The following NLRP1 variants were observed in gnomAD, a reference collection of about 807,000 sequenced individuals.
The protein encoded by NLRP1 is NACHT, LRR and PYD domains-containing protein 1.
In NLRP1, 94 loss-of-function variants were observed where a neutral mutation model predicts 136.7. The observed-to-expected ratio is 0.69, with a 90% confidence interval of 0.58 to 0.82. The LOEUF (loss-of-function observed/expected upper bound fraction) is 0.82. Ranked by LOEUF, NLRP1 falls within the 40% of genes least tolerant of loss-of-function variation. NLRP1 has a pLI of 0.00. For synonymous variants in NLRP1, 690 were observed against 725.1 expected (o/e 0.95, Z 0.78); for missense variants, 1,575 against 1,802.7 (o/e 0.87, Z 2.29).
chr17:5,533,227 C>T, intron 10 of NLRP1, 77 bp downstream of exon 10: 6 of 1,547,120 alleles, frequency 3.9e-6, no homozygotes, highest in Non-Finnish European at 5.2e-6. Flanking sequence ...TGCCACTCTC[C>T]CCAGCATGCC....
intron 3 of NLRP1, among the ~76,000 whole-genome samples, chr17:5,576,825 C>T (rs11867788): frequency 0.082 from 12,507 of 152,192 alleles, 1,090 homozygotes; most frequent in African/African-American, 0.2. Flanking sequence ...GAATTTTAGA[C>T]CAATATCCCT....
At chr17:5,506,284 CAAA>C (rs201536042) in intron 15 of NLRP1, among the ~76,000 whole-genome samples, 99 of 127,156 alleles carry the variant, frequency 7.8e-4, no homozygotes, top group East Asian at 2.4e-3. Flanking sequence ...AAGTCTGTCT[CAAA>C]AAAAAAAAAA....
At position 5,583,943 on chromosome 17, in the gene NLRP1, G is replaced by A. The variant is rs1286253717; in HGVS notation, c.15C>T (p.Ala5=). Residue 5 remains alanine, a synonymous_variant, in exon 1 of 17, where the codon GCC becomes GCT. Coordinates refer to ENST00000572272, the MANE Select transcript of NLRP1 (RefSeq NM_033004.4). The surrounding 1 kb of genome is among the most constrained non-coding windows in gnomAD (Gnocchi z 4.5). ...CCAAGTAACAGGCCAGGCGGCCCCAGGCTCCGCCAGCCATCTCTGTCCCGG... is the reference window on the plus strand; with the variant it reads ...CCAAGTAACAGGCCAGGCGGCCCCAAGCTCCGCCAGCCATCTCTGTCCCGG... The part of the protein sequence containing the change: MAGG[A]WGRLACYLEF... 1 of 1,609,302 alleles carries A rather than the reference G, an allele frequency of 6.2e-7. No individual in the cohort carries two copies. The highest frequency in any genetic ancestry group is 8.5e-7 in the Non-Finnish European group (1 of 1,177,822).
chr17:5,521,357 A>G (rs563795068), intron 13 of NLRP1, among the ~76,000 whole-genome samples, 167 bp downstream of exon 13: 5 of 152,262 alleles, frequency 3.3e-5, no homozygotes, highest in African/African-American at 1.2e-4. Flanking sequence ...GAGGCAGGAG[A>G]CCAGTCCAAG....
exon 16 of NLRP1, chr17:5,501,580 C>A (rs1907086628): frequency 2.4e-6 from 1 of 419,164 alleles, no homozygotes; most frequent in Non-Finnish European, 4.4e-6. Flanking sequence ...CCTTTTTTTT[C>A]TCTGTCTCTC....
chr17:5,540,668 G>A (rs1025051328), intron 6 of NLRP1, among the ~76,000 whole-genome samples: 27 of 152,256 alleles, frequency 1.8e-4, no homozygotes, highest in African/African-American at 5.8e-4. Flanking sequence ...TAGATGTAGC[G>A]AGGATTAAAT....
chr17:5,515,542 G>A, intron 15 of NLRP1, 25 bp from the exon 16 acceptor site: 1 of 1,590,062 alleles, frequency 6.3e-7, no homozygotes, highest in East Asian at 2.2e-5. Flanking sequence ...AGATGAAGAT[G>A]CATCTGAAAC....
chr17:5,539,426 G>A lies in NLRP1; in HGVS notation c.2859C>T (p.Leu953=). The A allele has an allele frequency of 6.2e-7, 1 of 1,613,072 alleles. No homozygotes were observed. ...CCACAGGGCCTTACCCCAGGCGTAT[G>A]AGTTTGCAGGCAGGATGCCTGAGCC... is the stretch of plus-strand genomic sequence containing the variant. The part of the protein sequence containing the change: ...CEGLRHPACK[L]IRLGLDQTTL... Residue 953 remains leucine (L), a synonymous_variant, in exon 7 of 17, where the codon CTC becomes CTT. Coordinates refer to ENST00000572272, the MANE Select transcript of NLRP1 (RefSeq NM_033004.4).
chr17:5,583,552 T>G lies in NLRP1; in HGVS notation c.271+135A>C. On this transcript the variant is annotated intron_variant, in intron 1 of 16. Coordinates refer to ENST00000572272, the MANE Select transcript of NLRP1 (RefSeq NM_033004.4). The surrounding 1 kb of genome is among the most constrained non-coding windows in gnomAD (Gnocchi z 4.5). Reference sequence around the variant, plus strand: ...CATAGTCTGGGGCCTGGATCCCCCTTTGAGAGGGCAGTTCCATGTCACTGC... The same window carrying G: ...CATAGTCTGGGGCCTGGATCCCCCTGTGAGAGGGCAGTTCCATGTCACTGC... The G allele has an allele frequency of 2.1e-6, 2 of 935,550 alleles. No individual in the cohort carries two copies. Among genetic ancestry groups the G allele is most frequent in the Non-Finnish European group, 3.1e-6 (2 of 639,460 alleles). 58.0% of individuals were successfully genotyped at this position (935,550 alleles called of 1,614,324 possible).
At chr17:5,576,842 C>T (rs1245282291) in intron 3 of NLRP1, among the ~76,000 whole-genome samples, 2 of 152,154 alleles carry the variant, frequency 1.3e-5, no homozygotes, top group South Asian at 2.1e-4. Context: ...CCCTGATGAA[C>T]ATTGATGCAA....
intron 3 of NLRP1, among the ~76,000 whole-genome samples, chr17:5,580,433 G>GT (rs918947523): frequency 2.6e-4 from 38 of 148,290 alleles, no homozygotes; most frequent in South Asian, 2.2e-3. Context: ...GTTTGTTGTT[G>GT]TTTTTTTTTT....
At chr17:5,544,342 C>A (rs904614613) in intron 5 of NLRP1, among the ~76,000 whole-genome samples, 1 of 152,154 alleles carries the variant, frequency 6.6e-6, no homozygotes, top group Non-Finnish European at 1.5e-5. Context: ...GGGCAAATCT[C>A]CCCCACCACT....
In NLRP1 at chr17:5,539,739, C is replaced by T. The variant is rs887812035; in HGVS notation, c.2700-154G>A. 3 of 933,930 alleles carry T rather than the reference C, an allele frequency of 3.2e-6. No individual in the cohort carries two copies. In the Admixed American group the frequency reaches 1.9e-4, roughly 58 times the overall value. The allele number at this position is 933,930 out of a possible 1,614,324, so 57.9% of individuals were successfully genotyped here. The stretch of plus-strand genomic sequence containing the variant: ...ACAAACTTTCCTGGCTTGCGGTAAC[C>T]TGAGAGATTTTCACTTTCCTCTTGC... On this transcript the variant is annotated intron_variant, in intron 6 of 16. Transcript: ENST00000572272.
chr17:5,514,960 G>A lies in NLRP1; in HGVS notation c.4216C>T (p.Gln1406Ter). 1.2e-6 allele frequency: 2 copies of A among 1,614,192 alleles called. No homozygotes were observed. Among genetic ancestry groups the A allele is most frequent in the Non-Finnish European group, 1.7e-6 (2 of 1,180,034 alleles). Residue 1406 changes from glutamine to a stop codon, truncating the protein, a stop_gained, in exon 17 of 17, where the codon CAG (glutamine) becomes TAG (stop). Coordinates refer to ENST00000572272, the MANE Select transcript of NLRP1 (RefSeq NM_033004.4). LOFTEE classifies it low-confidence loss of function (END_TRUNC). ...TCGTACTGCTCCTGGCTCAGCACCT[G>A]TCCATGCAGTTTGTCCAAGACAACC... ...VEVVLDKLHG[Q>*]VLSQEQYERV...
At chr17:5,549,930 G>C (rs1482759135) in intron 5 of NLRP1, among the ~76,000 whole-genome samples, 2 of 152,068 alleles carry the variant, frequency 1.3e-5, no homozygotes, top group Non-Finnish European at 2.9e-5. Flanking sequence ...TTTGTCAAAT[G>C]CTTTTTTTGT....
chr17:5,509,468 G>A (rs1370228412), downstream of NLRP1, among the ~76,000 whole-genome samples: 1 of 152,166 alleles, frequency 6.6e-6, no homozygotes, highest in Non-Finnish European at 1.5e-5. Flanking sequence ...CTAGCACCTG[G>A]CAAATCCTAC....
rs1316179474 is a variant in NLRP1 at position 5,517,401 on chromosome 17, T to TA, written c.4057+344_4057+345insT. ...CTTTCTTCCATTGACTTTTTCTTTTTTTTTGGATTGCAGTCTTGCTCTTTT... is the reference window on the plus strand; with the variant it reads ...CTTTCTTCCATTGACTTTTTCTTTTTATTTTGGATTGCAGTCTTGCTCTTTT... On this transcript the variant is annotated intron_variant, in intron 15 of 16. Coordinates refer to ENST00000572272, the MANE Select transcript of NLRP1 (RefSeq NM_033004.4). 2.7e-5 allele frequency among the ~76,000 whole-genome samples: 4 copies of TA among 145,612 alleles called. No individual in the cohort carries two copies. In the Admixed American group the frequency reaches 2.9e-4, roughly 11 times the overall value.
chr17:5,550,248 T>C (rs1913169848), intron 5 of NLRP1, among the ~76,000 whole-genome samples: 1 of 152,188 alleles, frequency 6.6e-6, no homozygotes, highest in Non-Finnish European at 1.5e-5. Context: ...TCTGCTATTT[T>C]TGGAAGAGTT....
downstream of NLRP1, among the ~76,000 whole-genome samples, chr17:5,511,708 C>T (rs901945581): frequency 2.0e-5 from 3 of 152,020 alleles, no homozygotes; most frequent in Admixed American, 6.6e-5. Flanking sequence ...GGCGGAGCCC[C>T]TCCTCGCGTA....
Sources: allele counts gnomAD v4.1 joint callset (sites outside exome capture counted in the v4.1 genomes callset), GRCh38; gene constraint gnomAD v4.1.1; non-coding constraint Gnocchi (gnomAD v3.1); transcripts MANE v1.5; gene names NCBI Gene and HGNC (gene_info 2026-07-23, HGNC 2026-07-21).